Variants in ZBTB41 observed in about 807,000 individuals in gnomAD.
The protein encoded by ZBTB41 is zinc finger and BTB domain-containing protein 41.
In ZBTB41, 42 loss-of-function variants were observed where a neutral mutation model predicts 87.6. The ratio of observed to expected loss-of-function variants is 0.48; its 90% CI spans 0.37 to 0.62. ZBTB41 has a LOEUF of 0.62. ZBTB41 is among the 20% of genes least tolerant of loss of function. The probability of loss-of-function intolerance (pLI) is 0.00; values close to 1 mark genes in which losing one functional copy is unlikely to be tolerated. For missense variants in ZBTB41, 799 were observed against 1,078.9 expected (o/e 0.74, Z 3.63); for synonymous variants, 364 against 364.0 (o/e 1.00, Z 0.00).
intron 5 of ZBTB41, among the ~76,000 whole-genome samples, chr1:197,183,031 T>C (rs919349608): frequency 1.3e-5 from 2 of 152,172 alleles, no homozygotes; most frequent in African/African-American, 4.8e-5. Flanking sequence ...ATATATATAA[T>C]ATTGCTTTGA....
intron 5 of ZBTB41, among the ~76,000 whole-genome samples, chr1:197,182,525 C>T (rs550287246): frequency 6.6e-6 from 1 of 152,046 alleles, no homozygotes; most frequent in Non-Finnish European, 1.5e-5. Flanking sequence ...GATCCTCCCA[C>T]CTGTCTCCCA....
chr1:197,193,046 G>A (rs922255388), intron 2 of ZBTB41, among the ~76,000 whole-genome samples: 2 of 152,108 alleles, frequency 1.3e-5, no homozygotes, highest in African/African-American at 2.4e-5. Flanking sequence ...TAGGTATTTA[G>A]GTGTAGAACA....
At position 197,159,924 on chromosome 1, in the gene ZBTB41, C is replaced by T. The variant is rs1015399213; in HGVS notation, c.2165G>A (p.Arg722Gln). 10 of 1,613,780 alleles carry T rather than the reference C, an allele frequency of 6.2e-6. No homozygotes were observed. The highest frequency in any genetic ancestry group is 5.9e-6 in the Non-Finnish European group (7 of 1,179,810). ...TKHLVIHSDA[R>Q]PFNCQHCNAT... ...ATTACAGTGCTGACAGTTGAAAGGT[C>T]GGGCATCAGAATGAATAACCAGGTG... Residue 722 changes from arginine (R) to glutamine (Q), a missense_variant, in exon 11 of 11, where the codon CGA becomes CAA. Around this residue, in one of 5 missense-constraint regions of ZBTB41, gnomAD observed 198 missense variants for 358.4 expected, o/e 0.55. Transcript: ENST00000367405.
Position 197,171,614 on chromosome 1 carries a change from GA to G in ZBTB41, c.2074+545del, listed in dbSNP as rs375753956. Among the ~76,000 whole-genome samples, 1,113 of 152,006 alleles carry G rather than the reference GA, an allele frequency of 7.3e-3. 13 individuals carry two copies. Among genetic ancestry groups the G allele is most frequent in the African/African-American group, 0.025 (1,057 of 41,514 alleles). The stretch of plus-strand genomic sequence containing the variant: ...AAAATGTAGTAACATTCCCAACGGA[GA>G]AAAAAGAAAGATTTTGCAAATGACA... On this transcript the variant is annotated intron_variant, in intron 10 of 10. Transcript: ENST00000367405.
chr1:197,176,840 C>G (rs1157372008), intron 7 of ZBTB41, among the ~76,000 whole-genome samples, 170 bp from the exon 8 acceptor site: 1 of 152,088 alleles, frequency 6.6e-6, no homozygotes, highest in Non-Finnish European at 1.5e-5. Context: ...TCTTTTACCA[C>G]CTGACCCCAG....
chr1:197,184,147 T>C (rs1291610946), intron 5 of ZBTB41, among the ~76,000 whole-genome samples: 2 of 152,192 alleles, frequency 1.3e-5, no homozygotes, highest in African/African-American at 2.4e-5. Flanking sequence ...AACTAAACTC[T>C]AAAGAAATTT....
At chr1:197,169,853 T>C (rs1288968467) in intron 10 of ZBTB41, among the ~76,000 whole-genome samples, 1 of 152,022 alleles carries the variant, frequency 6.6e-6, no homozygotes, top group Non-Finnish European at 1.5e-5. Context: ...AATCACTACA[T>C]TCTGAGGATT....
intron 10 of ZBTB41, among the ~76,000 whole-genome samples, chr1:197,169,952 TA>T (rs1215919541): frequency 1.3e-5 from 2 of 151,698 alleles, no homozygotes; most frequent in Middle Eastern, 3.4e-3. Flanking sequence ...CTGTGTGGTT[TA>T]AAAAAAATAA....
chr1:197,175,923 A>G (rs1475585950), intron 8 of ZBTB41: 1 of 151,966 alleles, frequency 6.6e-6, no homozygotes, highest in African/African-American at 2.4e-5. Context: ...AATAATAATA[A>G]TAATCACCTG....
rs764602111 is a variant in ZBTB41, at chr1:197,159,505, G to T, written c.2584C>A (p.Leu862Ile). Residue 862 changes from leucine (L) to isoleucine (I), a missense_variant, in exon 11 of 11, where the codon CTT (leucine) becomes ATT (isoleucine). By Grantham distance (5) the Leu-to-Ile change is conservative. Coordinates refer to ENST00000367405, the MANE Select transcript of ZBTB41 (RefSeq NM_194314.3). Reference sequence around the variant, plus strand: ...ACTATATTTGCAGGTTGAGGAGTAAGAGTATATTTTTCCAGAAAAGCTAAA... The same window carrying T: ...ACTATATTTGCAGGTTGAGGAGTAATAGTATATTTTTCCAGAAAAGCTAAA... ...ADLAFLEKYT[L>I]TPQPANIVHP... 1 of 1,613,956 alleles carries T rather than the reference G, an allele frequency of 6.2e-7. No individual in the cohort carries two copies. Among genetic ancestry groups the T allele is most frequent in the South Asian group, 1.1e-5 (1 of 91,086 alleles).
intron 10 of ZBTB41, among the ~76,000 whole-genome samples, chr1:197,166,305 CA>C (rs1659343037): frequency 1.3e-5 from 2 of 152,114 alleles, no homozygotes; most frequent in South Asian, 4.2e-4. Flanking sequence ...GTGGTTCTTT[CA>C]AAAGCTTAAT....
intron 10 of ZBTB41, among the ~76,000 whole-genome samples, chr1:197,162,569 G>A (rs973020517): frequency 6.6e-6 from 1 of 152,074 alleles, no homozygotes; most frequent in African/African-American, 2.4e-5. Context: ...AATGTGCATT[G>A]GGAGACTTAT....
In ZBTB41 at chr1:197,181,591, A is replaced by C. The variant is rs1659748717; in HGVS notation, c.1547-474T>G. ...TCACTATGATTTTACCAAATAAAAA[A>C]CTGGAGACAAGACAGTGTTCTACTG... On this transcript the variant is annotated intron_variant, in intron 5 of 10. Coordinates refer to ENST00000367405, the MANE Select transcript of ZBTB41 (RefSeq NM_194314.3). Among the ~76,000 whole-genome samples the C allele has an allele frequency of 2.0e-5, 3 of 152,186 alleles. No individual in the cohort carries two copies. In the South Asian group the frequency reaches 6.2e-4, roughly 31 times the overall value.
Position 197,200,412 on chromosome 1 carries a change from T to C in ZBTB41, c.62A>G (p.Asp21Gly), listed in dbSNP as rs1652717312. ...CACTGCAACATTTCCTTCTGAAGAA[T>C]CTTTATGATAGCCTAGATGGATCTT... Reference protein sequence around the residue: ...LEKIHLGYHKDSSEGNVAVEC... With the variant: ...LEKIHLGYHKGSSEGNVAVEC... The change falls in exon 2 of 11, where the codon GAT (aspartate) becomes GGT (glycine). Residue 21 changes from aspartate (D) to glycine (G), a missense_variant. By Grantham distance (94) the Asp-to-Gly change is moderately conservative. This residue lies in a region of ZBTB41 where 77 missense variants were observed against 68.4 expected (regional missense o/e 1.13). Transcript: ENST00000367405. The C allele has an allele frequency of 1.2e-6, 2 of 1,612,786 alleles. No homozygotes were observed. Among genetic ancestry groups the C allele is most frequent in the Admixed American group, 1.7e-5 (1 of 59,708 alleles).
intron 6 of ZBTB41, among the ~76,000 whole-genome samples, chr1:197,180,455 A>C (rs1659717182): frequency 6.6e-6 from 1 of 152,164 alleles, no homozygotes; most frequent in Non-Finnish European, 1.5e-5. Flanking sequence ...GATGAATCTG[A>C]AATAAAAGTA....
chr1:197,163,322 G>A (rs548488050), intron 10 of ZBTB41, among the ~76,000 whole-genome samples: 25 of 152,026 alleles, frequency 1.6e-4, no homozygotes, highest in Non-Finnish European at 2.4e-4. Context: ...GCCAAGAGGG[G>A]AAAAAATACA....
In ZBTB41 at chr1:197,159,525, G is replaced by C; in HGVS notation, c.2564C>G (p.Ala855Gly). Residue 855 changes from alanine to glycine, a missense_variant, in exon 11 of 11, where the codon GCT becomes GGT. By Grantham distance (60) the Ala-to-Gly change is moderately conservative. Around this residue, in one of 5 missense-constraint regions of ZBTB41, gnomAD observed 171 missense variants for 191.9 expected, o/e 0.89. Coordinates refer to ENST00000367405, the MANE Select transcript of ZBTB41 (RefSeq NM_194314.3). ...AGTAAGAGTATATTTTTCCAGAAAA[G>C]CTAAATCCGCTGCTCGTGGATAATC... The part of the protein sequence containing the change: ...STDYPRAADL[A>G]FLEKYTLTPQ... The C allele has an allele frequency of 6.2e-7, 1 of 1,613,950 alleles. No individual in the cohort carries two copies. Among genetic ancestry groups the C allele is most frequent in the Non-Finnish European group, 8.5e-7 (1 of 1,179,888 alleles).
chr1:197,167,343 C>A (rs142847288), intron 10 of ZBTB41, among the ~76,000 whole-genome samples: 1 of 152,072 alleles, frequency 6.6e-6, no homozygotes, highest in African/African-American at 2.4e-5. Context: ...TACAGGCATG[C>A]GCCACCACGC....
rs370332224 is a variant in ZBTB41, at chr1:197,189,958, G to A, written c.1398+804C>T. 4.1e-4 allele frequency among the ~76,000 whole-genome samples: 63 copies of A among 152,164 alleles called. No individual in the cohort carries two copies. The Middle Eastern group carries it at 0.014, about 33-fold the overall frequency. ...TTTTGAGATGGAGTCTGGCTCTGTC[G>A]CCCAGGCTGGAGTGCAGTGGTGTCA... On this transcript the variant is annotated intron_variant, in intron 4 of 10. Coordinates refer to ENST00000367405, the MANE Select transcript of ZBTB41 (RefSeq NM_194314.3).
Sources: gnomAD v4.1 joint callset for allele counts (sites outside exome capture counted in the v4.1 genomes callset) on GRCh38, gnomAD v4.1.1 for gene constraint, gnomAD v4.1.1 regional missense constraint, MANE v1.5 for transcripts, NCBI Gene and HGNC (gene_info 2026-07-23, HGNC 2026-07-21) for gene names.